Variants in PTPRD observed in about 807,000 individuals in gnomAD.
The protein encoded by PTPRD is protein tyrosine phosphatase receptor type D, also known as receptor-type tyrosine-protein phosphatase delta.
PTPRD carries 34 observed loss-of-function variants against 214.5 expected under a neutral mutation model. The ratio of observed to expected loss-of-function variants is 0.16; its 90% confidence interval spans 0.12 to 0.21. PTPRD has a LOEUF of 0.21. PTPRD is among the 10% of genes least tolerant of loss of function. The pLI is 1.00. For synonymous variants in PTPRD, 1,128 were observed against 845.7 expected (o/e 1.33, Z -5.79); for missense variants, 2,545 against 2,398.7 (o/e 1.06, Z -1.27).
chr9:10,537,095 A>G (rs1445769124), intron 2 of PTPRD, among the ~76,000 whole-genome samples: 1 of 152,152 alleles, frequency 6.6e-6, no homozygotes, highest in East Asian at 1.9e-4. Context: ...TTAGAGATAA[A>G]TAATTCTAAA....
intron 10 of PTPRD, among the ~76,000 whole-genome samples, chr9:9,174,155 C>A (rs993599127): frequency 6.6e-6 from 1 of 151,804 alleles, no homozygotes; most frequent in Admixed American, 6.6e-5. Flanking sequence ...AAAACATTAC[C>A]AACAGGAAAA....
intron 6 of PTPRD, among the ~76,000 whole-genome samples, chr9:9,749,101 C>T (rs1185460355): frequency 1.3e-5 from 2 of 152,112 alleles, no homozygotes; most frequent in African/African-American, 4.8e-5. Flanking sequence ...TCTCTTTACT[C>T]CTCTGATTCT....
At chr9:9,937,362 G>A (rs2089913865) in intron 5 of PTPRD, among the ~76,000 whole-genome samples, 1 of 127,200 alleles carries the variant, frequency 7.9e-6, no homozygotes, top group African/African-American at 2.8e-5. Context: ...ATATATGCCT[G>A]CTCCTTCTTT....
intron 16 of PTPRD, 54 bp downstream of exon 16, chr9:8,527,291 T>A: frequency 1.9e-6 from 3 of 1,555,850 alleles, no homozygotes; most frequent in Non-Finnish European, 1.8e-6. Flanking sequence ...AATAATAATA[T>A]TCTGGATATG....
chr9:9,398,800 T>G (rs567887963), intron 8 of PTPRD, among the ~76,000 whole-genome samples: 3 of 152,014 alleles, frequency 2.0e-5, no homozygotes, highest in Non-Finnish European at 4.4e-5. Flanking sequence ...ATAGATTTGC[T>G]TTGGCCTATG....
At chr9:10,108,620 A>G (rs2098659351) in intron 3 of PTPRD, among the ~76,000 whole-genome samples, 1 of 151,980 alleles carries the variant, frequency 6.6e-6, no homozygotes, top group African/African-American at 2.4e-5. Context: ...CTGGGTATTT[A>G]TCCAAAAAAA....
At chr9:9,810,006 A>T (rs915492310) in intron 5 of PTPRD, among the ~76,000 whole-genome samples, 10 of 151,958 alleles carry the variant, frequency 6.6e-5, no homozygotes, top group Non-Finnish European at 1.3e-4. Context: ...TTTTCCAATA[A>T]AAGTTATACC....
At chr9:8,563,387 CACATAT>C (rs2087293238) in intron 14 of PTPRD, among the ~76,000 whole-genome samples, 2 of 151,346 alleles carry the variant, frequency 1.3e-5, no homozygotes, top group African/African-American at 4.9e-5. Flanking sequence ...CATATATACA[CACATAT>C]GCATATACAG....
chr9:8,529,793 G>C (rs745841537), intron 14 of PTPRD, among the ~76,000 whole-genome samples: 1 of 152,100 alleles, frequency 6.6e-6, no homozygotes, highest in East Asian at 1.9e-4. Context: ...TGAAGATCAT[G>C]AATTTTTGTT....
At chr9:9,020,185 A>G (rs1456981203) in intron 10 of PTPRD, among the ~76,000 whole-genome samples, 1 of 152,202 alleles carries the variant, frequency 6.6e-6, no homozygotes. Flanking sequence ...GCTTTAATGC[A>G]TGCAGTATAT....
At chr9:8,438,758 G>A (rs896606201) in intron 34 of PTPRD, 26 of 152,118 alleles carry the variant, frequency 1.7e-4, no homozygotes, top group African/African-American at 6.0e-4. Context: ...GTGGTGGTTT[G>A]GCTAGAGAGG....
intron 2 of PTPRD, among the ~76,000 whole-genome samples, chr9:10,592,860 G>A (rs528016023): frequency 1.3e-5 from 2 of 152,040 alleles, no homozygotes; most frequent in East Asian, 2.0e-4. Flanking sequence ...AACATGGGCG[G>A]GGACTAATAA....
At chr9:8,544,614 C>T (rs1012130088) in intron 14 of PTPRD, among the ~76,000 whole-genome samples, 14 of 151,320 alleles carry the variant, frequency 9.3e-5, no homozygotes, top group African/African-American at 2.9e-4. Flanking sequence ...GGATTACAGG[C>T]GCCAGCCACT....
At chr9:9,511,774 G>C (rs2096715266) in intron 8 of PTPRD, among the ~76,000 whole-genome samples, 1 of 151,630 alleles carries the variant, frequency 6.6e-6, no homozygotes, top group Admixed American at 6.6e-5. Context: ...CAATACCAAA[G>C]ATCTCTTTTA....
chr9:9,717,210 A>G (rs559446379), intron 7 of PTPRD, among the ~76,000 whole-genome samples: 36 of 152,180 alleles, frequency 2.4e-4, no homozygotes, highest in Non-Finnish European at 4.6e-4. Context: ...ATTGATCTAT[A>G]TCTCTGTTTT....
At chr9:10,074,628 T>C (rs191709151) in intron 3 of PTPRD, among the ~76,000 whole-genome samples, 1 of 152,272 alleles carries the variant, frequency 6.6e-6, no homozygotes. Flanking sequence ...AGCCCATGGA[T>C]AGCAGTTAAT....
At chr9:8,502,848 G>GTGTATATATATA (rs1554658829) in intron 23 of PTPRD, among the ~76,000 whole-genome samples, 1 of 147,100 alleles carries the variant, frequency 6.8e-6, no homozygotes, top group African/African-American at 2.5e-5. Context: ...ATGTGTGTGT[G>GTGTATATATATA]TATATATATA....
intron 4 of PTPRD, among the ~76,000 whole-genome samples, chr9:9,969,343 T>A (rs2094932737): frequency 6.6e-6 from 1 of 152,064 alleles, no homozygotes; most frequent in African/African-American, 2.4e-5. Flanking sequence ...ACTCTCTCTT[T>A]CCTCCTCAAC....
chr9:9,570,926 T>C (rs948410611), intron 8 of PTPRD, among the ~76,000 whole-genome samples: 8 of 151,522 alleles, frequency 5.3e-5, no homozygotes, highest in Admixed American at 4.0e-4. Context: ...TTTATTACAT[T>C]GTTTCAATAT....
Sources: gnomAD v4.1 joint callset for allele counts (sites outside exome capture counted in the v4.1 genomes callset) on GRCh38, gnomAD v4.1.1 for gene constraint, MANE v1.5 for transcripts, NCBI Gene and HGNC (gene_info 2026-07-23, HGNC 2026-07-21) for gene names.